The following HABP2 variants were observed in gnomAD, a reference collection of about 807,000 sequenced individuals.
The protein encoded by HABP2 is factor VII-activating protease.
In HABP2, 65 loss-of-function variants were observed where a neutral mutation model predicts 66.5. That is an observed-to-expected ratio of 0.98 (90% CI 0.80 to 1.20). The LOEUF (loss-of-function observed/expected upper bound fraction) is 1.20. Among genes scored for constraint, HABP2 ranks in the 50% most tolerant of loss-of-function variants. The probability of loss-of-function intolerance (pLI) is 0.00; values close to 1 mark genes in which losing one functional copy is unlikely to be tolerated. For missense variants in HABP2, 786 were observed against 691.0 expected, an observed-to-expected ratio of 1.14 and a Z score of -1.54; for synonymous variants, 263 against 253.9, an observed-to-expected ratio of 1.04 and a Z score of -0.34.
chr10:113,584,058 C>T lies in HABP2; in HGVS notation c.1238-90C>T, dbSNP rs552341012. On this transcript the variant is annotated intron_variant, in intron 10 of 12. Coordinates refer to ENST00000351270, the MANE Select transcript of HABP2 (RefSeq NM_004132.5). The stretch of plus-strand genomic sequence containing the variant: ...CATGGTGGGGGCAGGTGGGGCTTTG[C>T]TGTGGCCACCTTCATGAGCAAGTTG... The T allele has an allele frequency of 5.4e-6, 6 of 1,117,948 alleles. No homozygotes were observed. In the African/African-American group the frequency reaches 9.2e-5, roughly 17 times the overall value. 69.3% of individuals were successfully genotyped at this position (1,117,948 alleles called of 1,614,324 possible).
Position 113,583,246 on chromosome 10 carries a change from AG to A in HABP2, c.1129del (p.Asp377ThrfsTer4), listed in dbSNP as rs756289308. On this transcript the variant is annotated frameshift_variant, in exon 10 of 13. Transcript: ENST00000351270. LOFTEE classifies it high-confidence loss of function. The stretch of plus-strand genomic sequence containing the variant: ...AAACCAGACATCTAAAGGTGGTGCT[AG>A]GGGACCAGGACCTGAAGAAAGAAGA... ...IKTRHLKVVL[G>X]DQDLKKEEFH... The A allele has an allele frequency of 1.4e-5, 23 of 1,613,482 alleles. No individual in the cohort carries two copies. Among genetic ancestry groups the A allele is most frequent in the Non-Finnish European group, 2.0e-5 (23 of 1,179,376 alleles).
chr10:113,570,920 CAA>C (rs1845295269), intron 2 of HABP2, among the ~76,000 whole-genome samples: 1 of 152,148 alleles, frequency 6.6e-6, no homozygotes, highest in Non-Finnish European at 1.5e-5. Context: ...TTGGAGGAAA[CAA>C]ATAAGATAGA....
upstream of HABP2, among the ~76,000 whole-genome samples, chr10:113,551,532 G>T (rs935728870): frequency 2.6e-5 from 4 of 152,194 alleles, no homozygotes; most frequent in South Asian, 6.2e-4. Context: ...ACAGCCAGGC[G>T]CAGTGGCTTA....
intron 2 of HABP2, among the ~76,000 whole-genome samples, chr10:113,568,838 G>A (rs1176491911): frequency 6.6e-6 from 1 of 152,160 alleles, no homozygotes; most frequent in Non-Finnish European, 1.5e-5. Flanking sequence ...AAAAAGAAGT[G>A]CGGAAGACTC....
At chr10:113,587,500 G>A (rs1194955866) in intron 12 of HABP2, among the ~76,000 whole-genome samples, 1 of 130,318 alleles carries the variant, frequency 7.7e-6, no homozygotes, top group Non-Finnish European at 1.7e-5. Context: ...CTATAAAATG[G>A]AAATCTATCT....
intron 1 of HABP2, among the ~76,000 whole-genome samples, chr10:113,563,682 G>A (rs568843476): frequency 6.6e-6 from 1 of 152,316 alleles, no homozygotes; most frequent in Admixed American, 6.5e-5. Context: ...TGTCCCTCAG[G>A]CTCCAGCTGG....
At chr10:113,580,726 T>G (rs1592698511) in intron 8 of HABP2, 34 bp downstream of exon 8, 2 of 1,080,564 alleles carry the variant, frequency 1.9e-6, no homozygotes, top group Non-Finnish European at 2.9e-6. Context: ...GCCCAGGGGG[T>G]GGGGGGGATG....
chr10:113,579,823 C>G (rs1278848689), intron 7 of HABP2, among the ~76,000 whole-genome samples: 1 of 151,736 alleles, frequency 6.6e-6, no homozygotes, highest in Non-Finnish European at 1.5e-5. Context: ...CACTCTGTCA[C>G]CCAGGCTAGA....
At chr10:113,552,971 A>G (rs1844923496), upstream of HABP2, 4 of 616,104 alleles carry the variant, frequency 6.5e-6, no homozygotes, top group Admixed American at 5.6e-5. Flanking sequence ...GCAAAACATT[A>G]AACATTAAAC....
At chr10:113,567,288 G>A (rs952106941) in intron 1 of HABP2, among the ~76,000 whole-genome samples, 2 of 152,134 alleles carry the variant, frequency 1.3e-5, no homozygotes, top group African/African-American at 2.4e-5. Flanking sequence ...AGTACTCAGC[G>A]CGCACAGGTG....
chr10:113,562,537 C>T (rs774270601), intron 1 of HABP2, among the ~76,000 whole-genome samples: 62 of 150,316 alleles, frequency 4.1e-4, no homozygotes, highest in Non-Finnish European at 5.9e-4. Flanking sequence ...CTCCACTTCT[C>T]AGGTTCAAGC....
At chr10:113,578,170 G>A (rs1293240811) in intron 6 of HABP2, 25 bp downstream of exon 6, 23 of 1,612,958 alleles carry the variant, frequency 1.4e-5, no homozygotes, top group Middle Eastern at 1.7e-4. Context: ...CACCATCAGG[G>A]CCACAAGTGA....
intron 1 of HABP2, among the ~76,000 whole-genome samples, chr10:113,557,756 A>C (rs1239401406): frequency 1.3e-5 from 2 of 152,234 alleles, no homozygotes; most frequent in Non-Finnish European, 2.9e-5. Context: ...AGTAAGAGTA[A>C]TCGTAATAAT....
intron 1 of HABP2, 149 bp from the exon 2 acceptor site, chr10:113,567,340 C>T (rs756945329): frequency 4.4e-6 from 3 of 678,550 alleles, no homozygotes; most frequent in Non-Finnish European, 8.1e-6. Context: ...ACCCCATTGC[C>T]CCTCCCTTCA....
In HABP2 at chr10:113,577,221, C is replaced by G. The variant is rs770557273; in HGVS notation, c.403C>G (p.Arg135Gly). Residue 135 changes from arginine (R) to glycine (G), a missense_variant, in exon 5 of 13, where the codon CGC becomes GGC. By Grantham distance (125) the Arg-to-Gly change is moderately radical. Transcript: ENST00000351270. ...CATTACCCAGAGTCCTCCCTACTAC[C>G]GCTGTGTCTGTAAACACCCTTACAC... ...CLITQSPPYY[R>G]CVCKHPYTGP... 2 of 1,612,314 alleles carry G rather than the reference C, an allele frequency of 1.2e-6. No individual in the cohort carries two copies. Among genetic ancestry groups the G allele is most frequent in the South Asian group, 2.2e-5 (2 of 91,052 alleles).
At position 113,570,117 on chromosome 10, in the gene HABP2, T is replaced by G. The variant is rs554252913; in HGVS notation, c.106+2592T>G. The G allele has an allele frequency of 2.0e-5, 3 of 152,296 alleles. No homozygotes were observed. In the South Asian group the frequency reaches 6.2e-4, roughly 32 times the overall value. 9.4% of individuals were successfully genotyped at this position (152,296 alleles called of 1,614,324 possible). The stretch of plus-strand genomic sequence containing the variant: ...TCATGAAACCCAAACCTATAAGAGA[T>G]TCCAGGATCGTAAAAAGGCAAATAA... On this transcript the variant is annotated intron_variant, in intron 2 of 12. Coordinates refer to ENST00000351270, the MANE Select transcript of HABP2 (RefSeq NM_004132.5).
intron 2 of HABP2, among the ~76,000 whole-genome samples, chr10:113,574,011 G>A (rs1485003342): frequency 1.3e-5 from 2 of 152,158 alleles, no homozygotes; most frequent in East Asian, 3.9e-4. Flanking sequence ...CAAGGGAGTA[G>A]AAAGCTGGAC....
At position 113,578,812 on chromosome 10, in the gene HABP2, T is replaced by G; in HGVS notation, c.740+14T>G. ...CAATTTCTGCAGGTAACATTTACCTTATTTATGCTCAGTTGATTTTGGTCA... is the reference window on the plus strand; with the variant it reads ...CAATTTCTGCAGGTAACATTTACCTGATTTATGCTCAGTTGATTTTGGTCA... On this transcript the variant is annotated intron_variant, in intron 7 of 12. Transcript: ENST00000351270. 6.4e-7 allele frequency: 1 copy of G among 1,560,714 alleles called. No individual in the cohort carries two copies. Among genetic ancestry groups the G allele is most frequent in the Non-Finnish European group, 8.8e-7 (1 of 1,132,538 alleles).
intron 12 of HABP2, 107 bp downstream of exon 12, chr10:113,586,045 T>G (rs1209472244): frequency 2.0e-6 from 2 of 983,546 alleles, no homozygotes; most frequent in African/African-American, 3.2e-5. Context: ...GAGGTCCACC[T>G]GTGGTAAAGC....
Sources: gnomAD v4.1 joint callset for allele counts (sites outside exome capture counted in the v4.1 genomes callset) on GRCh38, gnomAD v4.1.1 for gene constraint, MANE v1.5 for transcripts, NCBI Gene and HGNC (gene_info 2026-07-23, HGNC 2026-07-21) for gene names.